Variants in TMEFF2 observed in about 807,000 individuals in gnomAD.
TMEFF2 encodes the protein transmembrane protein with EGF like and two follistatin like domains 2.
In TMEFF2, 28 loss-of-function variants were observed where a neutral mutation model predicts 53.8. The observed-to-expected ratio is 0.52, with a 90% CI of 0.39 to 0.71. The LOEUF is 0.71. Ranked by LOEUF, TMEFF2 falls within the 30% of genes least tolerant of loss-of-function variation. TMEFF2 has a pLI of 0.00. For missense variants in TMEFF2, 353 were observed against 455.2 expected (o/e 0.78, Z 2.04); for synonymous variants, 162 against 166.3 (o/e 0.97, Z 0.20).
intron 4 of TMEFF2, among the ~76,000 whole-genome samples, chr2:192,081,403 A>G (rs1307954521): frequency 6.6e-6 from 1 of 152,188 alleles, no homozygotes; most frequent in Non-Finnish European, 1.5e-5. Flanking sequence ...GCTGGAAGTA[A>G]TTTCTTTCCA....
At chr2:192,130,914 C>G (rs1373205692) in intron 4 of TMEFF2, among the ~76,000 whole-genome samples, 1 of 151,100 alleles carries the variant, frequency 6.6e-6, no homozygotes, top group Non-Finnish European at 1.5e-5. Context: ...TGGTCACGGA[C>G]TGGGAAGGCA....
At chr2:191,976,090 T>C (rs972507290) in intron 7 of TMEFF2, among the ~76,000 whole-genome samples, 3 of 152,224 alleles carry the variant, frequency 2.0e-5, no homozygotes, top group African/African-American at 7.2e-5. Context: ...TAATTGACAG[T>C]GAATTTTTGC....
chr2:192,030,272 G>A (rs1687095659), intron 5 of TMEFF2: 1 of 152,194 alleles, frequency 6.6e-6, no homozygotes, highest in African/African-American at 2.4e-5. Context: ...GATATTAGAA[G>A]GTCATGAGTT....
At chr2:192,003,944 A>G (rs1344916682) in intron 5 of TMEFF2, among the ~76,000 whole-genome samples, 3 of 144,344 alleles carry the variant, frequency 2.1e-5, no homozygotes, top group African/African-American at 7.8e-5. Context: ...GGGGGCTCAC[A>G]CTCACCTCCA....
intron 4 of TMEFF2, among the ~76,000 whole-genome samples, chr2:192,147,189 T>G (rs1485371346): frequency 6.6e-6 from 1 of 152,046 alleles, no homozygotes; most frequent in Middle Eastern, 3.2e-3. Flanking sequence ...AAATATGGAC[T>G]GGCATCTACT....
At chr2:192,072,527 T>C (rs565464978) in intron 4 of TMEFF2, among the ~76,000 whole-genome samples, 1 of 152,112 alleles carries the variant, frequency 6.6e-6, no homozygotes, top group East Asian at 1.9e-4. Context: ...TGCTTTCATT[T>C]TTCCTCAATG....
chr2:192,133,667 C>T (rs1009670397), intron 4 of TMEFF2, among the ~76,000 whole-genome samples: 4 of 152,184 alleles, frequency 2.6e-5, no homozygotes, highest in East Asian at 1.9e-4. Flanking sequence ...GGATCTCAAA[C>T]GTGCTTTCTT....
At chr2:192,029,237 T>TG (rs1167152264) in intron 5 of TMEFF2, 1 of 151,964 alleles carries the variant, frequency 6.6e-6, no homozygotes, top group Non-Finnish European at 1.5e-5. Flanking sequence ...GCCTGAGTAT[T>TG]GCCAGCAGAC....
At chr2:192,132,604 AC>A (rs1433750801) in intron 4 of TMEFF2, among the ~76,000 whole-genome samples, 2 of 151,896 alleles carry the variant, frequency 1.3e-5, no homozygotes, top group Non-Finnish European at 2.9e-5. Context: ...TGTGAGACAA[AC>A]CCCAGCCACA....
At chr2:192,193,798 A>AGGGAGG (rs1237555343) in intron 1 of TMEFF2, among the ~76,000 whole-genome samples, 34 of 139,930 alleles carry the variant, frequency 2.4e-4, no homozygotes, top group African/African-American at 8.7e-4. Flanking sequence ...AGAGAGAGAG[A>AGGGAGG]GAGAGAGAGA....
chr2:192,025,283 A>G (rs1451276828), intron 5 of TMEFF2, among the ~76,000 whole-genome samples: 3 of 152,094 alleles, frequency 2.0e-5, no homozygotes, highest in African/African-American at 7.2e-5. Context: ...ATCGGGGATG[A>G]TGAAGGATGA....
chr2:192,123,673 T>C (rs1279548917), intron 4 of TMEFF2, among the ~76,000 whole-genome samples: 1 of 152,342 alleles, frequency 6.6e-6, no homozygotes, highest in East Asian at 1.9e-4. Context: ...AACATCTGTA[T>C]CAGTTGCTAT....
At chr2:192,010,698 G>A (rs942165846) in intron 5 of TMEFF2, among the ~76,000 whole-genome samples, 5 of 152,166 alleles carry the variant, frequency 3.3e-5, no homozygotes, top group Admixed American at 2.6e-4. Flanking sequence ...AACAGAAGGA[G>A]GAAAACAAAT....
chr2:192,006,021 C>G (rs1203071662), intron 5 of TMEFF2, among the ~76,000 whole-genome samples: 2 of 149,520 alleles, frequency 1.3e-5, no homozygotes, highest in Non-Finnish European at 3.0e-5. Context: ...ACTGGTAAGG[C>G]TAATAAGTCT....
intron 5 of TMEFF2, among the ~76,000 whole-genome samples, chr2:192,054,743 G>A (rs1687860329): frequency 6.6e-6 from 1 of 152,046 alleles, no homozygotes; most frequent in African/African-American, 2.4e-5. Context: ...TGCATCTTTG[G>A]TTGAATTGTT....
chr2:192,132,413 C>T (rs1354527463), intron 4 of TMEFF2, among the ~76,000 whole-genome samples: 6 of 152,018 alleles, frequency 3.9e-5, no homozygotes, highest in Non-Finnish European at 8.8e-5. Context: ...AGCCCTAGAC[C>T]CTAAAAGGTC....
At chr2:191,963,698 T>C (rs1216129267) in intron 7 of TMEFF2, among the ~76,000 whole-genome samples, 2 of 152,252 alleles carry the variant, frequency 1.3e-5, no homozygotes, top group Non-Finnish European at 2.9e-5. Context: ...GTAGCTATTA[T>C]GTGTCTGGCA....
At chr2:191,963,967 T>G (rs1559062916) in intron 7 of TMEFF2, among the ~76,000 whole-genome samples, 1 of 152,186 alleles carries the variant, frequency 6.6e-6, no homozygotes, top group Non-Finnish European at 1.5e-5. Context: ...AAAATGAAAT[T>G]AAAGTAGGTT....
At chr2:191,977,647 T>C (rs916883494) in intron 7 of TMEFF2, among the ~76,000 whole-genome samples, 11 of 152,166 alleles carry the variant, frequency 7.2e-5, no homozygotes, top group African/African-American at 2.7e-4. Context: ...AAAATAAATA[T>C]ATATTAGGTT....
Sources: gnomAD v4.1 joint callset for allele counts (sites outside exome capture counted in the v4.1 genomes callset) on GRCh38, gnomAD v4.1.1 for gene constraint, MANE v1.5 for transcripts, NCBI Gene and HGNC (gene_info 2026-07-23, HGNC 2026-07-21) for gene names.